BNC2: variants seen among roughly 807,000 people sequenced by gnomAD.
The protein encoded by BNC2 is zinc finger protein basonuclin-2.
Under a neutral mutation model 76.3 loss-of-function variants are expected in BNC2, and 20 were observed. That is an observed-to-expected ratio of 0.26 (90% CI 0.18 to 0.38). BNC2 has a LOEUF of 0.38. BNC2 is among the 10% of genes least tolerant of loss of function. BNC2 has a pLI of 1.00. For missense variants in BNC2, 1,382 were observed against 1,399.8 expected (o/e 0.99, Z 0.20); for synonymous variants, 582 against 514.8 (o/e 1.13, Z -1.77).
chr9:16,667,084 C>T (rs989549821), intron 3 of BNC2, among the ~76,000 whole-genome samples: 1 of 147,604 alleles, frequency 6.8e-6, no homozygotes, highest in Non-Finnish European at 1.5e-5. Context: ...TACACATACA[C>T]ACACACACAC....
At position 16,478,181 on chromosome 9, in the gene BNC2, G is replaced by C. The variant is rs540322579; in HGVS notation, c.670-40657C>G. The stretch of plus-strand genomic sequence containing the variant: ...TCGGTCCTCTGAGATATTAACAAAA[G>C]CAATATGCTTCCTGGTCCACGTGGA... On this transcript the variant is annotated intron_variant, in intron 5 of 6. Transcript: ENST00000380672. Among the ~76,000 whole-genome samples, 13 of 152,268 alleles carry C rather than the reference G, an allele frequency of 8.5e-5. No homozygotes were observed. In the South Asian group the frequency reaches 2.7e-3, roughly 32 times the overall value.
At chr9:16,499,961 T>C (rs1031003188) in intron 5 of BNC2, among the ~76,000 whole-genome samples, 3 of 152,058 alleles carry the variant, frequency 2.0e-5, no homozygotes, top group African/African-American at 7.2e-5. Flanking sequence ...TGGATTTCAT[T>C]CTTCCACTTT....
intron 3 of BNC2, among the ~76,000 whole-genome samples, chr9:16,726,234 T>A (rs767621150): frequency 3.3e-5 from 5 of 152,158 alleles, no homozygotes; most frequent in African/African-American, 9.7e-5. Context: ...GAATGGGAAA[T>A]TGCACATGAA....
chr9:16,671,186 T>C (rs1328261297), intron 3 of BNC2, among the ~76,000 whole-genome samples: 1 of 152,184 alleles, frequency 6.6e-6, no homozygotes, highest in Non-Finnish European at 1.5e-5. Flanking sequence ...TCTAGGATCC[T>C]CCCTAAACAA....
intron 3 of BNC2, among the ~76,000 whole-genome samples, chr9:16,620,482 C>T (rs1021901819): frequency 1.1e-4 from 16 of 152,098 alleles, no homozygotes; most frequent in African/African-American, 3.4e-4. Context: ...TGCAATTCTG[C>T]CACCATCTGA....
chr9:16,720,559 G>T (rs1824126549), intron 3 of BNC2, among the ~76,000 whole-genome samples: 2 of 152,070 alleles, frequency 1.3e-5, no homozygotes, highest in Admixed American at 6.5e-5. Context: ...ATGCTCAAGA[G>T]AATCAGTTGT....
In BNC2 at chr9:16,410,256, G is replaced by T. The variant is rs1820432579; in HGVS notation, c.*8733C>A. 6.6e-6 allele frequency: 1 copy of T among 152,278 alleles called. No individual in the cohort carries two copies. The highest frequency in any genetic ancestry group is 1.5e-5 in the Non-Finnish European group (1 of 68,098). 9.4% of individuals were successfully genotyped at this position (152,278 alleles called of 1,614,324 possible). A position where few individuals can be genotyped will look rare whatever the true frequency, so the allele number is the denominator to read the frequency against. ...GAAAAGCAGCAAGGACTTCATGGAAGAAGCCAGGCAAGGTGTGAGGGGAGA... is the reference window on the plus strand; with the variant it reads ...GAAAAGCAGCAAGGACTTCATGGAATAAGCCAGGCAAGGTGTGAGGGGAGA... On this transcript the variant is annotated 3_prime_UTR_variant, in exon 7 of 7. Transcript: ENST00000380672.
At chr9:16,833,128 C>T (rs1225076334) in intron 1 of BNC2, among the ~76,000 whole-genome samples, 1 of 152,036 alleles carries the variant, frequency 6.6e-6, no homozygotes, top group African/African-American at 2.4e-5. Context: ...ACAAAACCCT[C>T]AGGAAAGTGA....
At chr9:16,732,919 G>C (rs1241096012) in intron 2 of BNC2, among the ~76,000 whole-genome samples, 3 of 152,076 alleles carry the variant, frequency 2.0e-5, no homozygotes, top group African/African-American at 4.8e-5. Context: ...TCTTATATGT[G>C]GACTCAGGTT....
intron 3 of BNC2, among the ~76,000 whole-genome samples, chr9:16,677,498 C>T (rs12685518): frequency 1.3e-5 from 2 of 151,314 alleles, no homozygotes; most frequent in South Asian, 2.1e-4. Flanking sequence ...GCTTGGACCT[C>T]GGAGGTGGAG....
rs896297663 is a variant in BNC2, at chr9:16,630,745, G to A, written c.331-47660C>T. Reference sequence around the variant, plus strand: ...TGTGTATTATTTAAAAATGTGGAGCGTTTCTTTTTTTGAAACAGAGTTTCA... The same window carrying A: ...TGTGTATTATTTAAAAATGTGGAGCATTTCTTTTTTTGAAACAGAGTTTCA... On this transcript the variant is annotated intron_variant, in intron 3 of 6. Transcript: ENST00000380672. Among the ~76,000 whole-genome samples, 15 of 73,822 alleles carry A rather than the reference G, an allele frequency of 2.0e-4. 1 individual carries two copies. The highest frequency in any genetic ancestry group is 6.5e-4 in the African/African-American group (6 of 9,226). The allele number at this position is 73,822 out of a possible 152,430, so 48.4% of individuals were successfully genotyped here.
At chr9:16,551,441 G>A (rs1818659653) in intron 5 of BNC2, among the ~76,000 whole-genome samples, 1 of 152,194 alleles carries the variant, frequency 6.6e-6, no homozygotes, top group South Asian at 2.1e-4. Context: ...ATGCCAAGCT[G>A]GCAGCTAATG....
intron 1 of BNC2, among the ~76,000 whole-genome samples, chr9:16,786,327 A>G (rs975635507): frequency 2.6e-5 from 4 of 152,100 alleles, no homozygotes; most frequent in African/African-American, 9.7e-5. Flanking sequence ...GCCATTGGAG[A>G]ATGGTGACCA....
intron 1 of BNC2, among the ~76,000 whole-genome samples, chr9:16,794,637 C>G (rs972031683): frequency 1.3e-5 from 2 of 152,092 alleles, no homozygotes; most frequent in South Asian, 4.1e-4. Context: ...CACCAGAATG[C>G]AATGAACTAT....
At chr9:16,569,479 C>A (rs10120319) in intron 4 of BNC2, among the ~76,000 whole-genome samples, 5,235 of 152,100 alleles carry the variant, frequency 0.034, 293 homozygotes, top group African/African-American at 0.12. Flanking sequence ...ACTATACAGC[C>A]AATATTTCAA....
At chr9:16,849,417 G>T (rs1431945693) in intron 1 of BNC2, among the ~76,000 whole-genome samples, 1 of 133,788 alleles carries the variant, frequency 7.5e-6, no homozygotes, top group Non-Finnish European at 1.5e-5. Flanking sequence ...GGAGTACAGT[G>T]GCGCAATCTC....
chr9:16,560,307 A>G (rs1818970585), intron 4 of BNC2, among the ~76,000 whole-genome samples: 2 of 152,250 alleles, frequency 1.3e-5, no homozygotes, highest in South Asian at 4.1e-4. Context: ...GTCCAAAAAG[A>G]TCAGATTAGC....
intron 1 of BNC2, among the ~76,000 whole-genome samples, chr9:16,864,238 G>C (rs1184464619): frequency 6.6e-6 from 1 of 152,064 alleles, no homozygotes; most frequent in African/African-American, 2.4e-5. Flanking sequence ...TTTTTACATA[G>C]ATTTTAAAAC....
chr9:16,518,440 A>C (rs62540635), intron 5 of BNC2, among the ~76,000 whole-genome samples: 3,500 of 152,170 alleles, frequency 0.023, 60 homozygotes, highest in Non-Finnish European at 0.036. Context: ...AAATAATAAT[A>C]ATAAAATAAA....
Sources: allele counts gnomAD v4.1 joint callset (sites outside exome capture counted in the v4.1 genomes callset), GRCh38; gene constraint gnomAD v4.1.1; transcripts MANE v1.5; gene names NCBI Gene and HGNC (gene_info 2026-07-23, HGNC 2026-07-21).